PHKB: variants seen among roughly 807,000 people sequenced by gnomAD.
PHKB encodes the protein phosphorylase kinase regulatory subunit beta.
In PHKB, 122 loss-of-function variants were observed where a neutral mutation model predicts 152.1. That is an observed-to-expected ratio of 0.80 (90% CI 0.69 to 0.93). PHKB has a LOEUF of 0.93. Among genes scored for constraint, PHKB ranks in the 40% least tolerant of loss-of-function variants. PHKB has a pLI of 0.00. For synonymous variants in PHKB, 436 were observed against 464.9 expected (o/e 0.94, Z 0.80); for missense variants, 1,304 against 1,328.4 (o/e 0.98, Z 0.29).
Position 47,579,694 on chromosome 16 carries a change from A to G in PHKB, c.711-601A>G, listed in dbSNP as rs575057632. Reference sequence around the variant, plus strand: ...ATAGTATATGGCATTTGAGAGGCCAAAAGAGTAGGACACTAAGGGAAATAG... The same window carrying G: ...ATAGTATATGGCATTTGAGAGGCCAGAAGAGTAGGACACTAAGGGAAATAG... On this transcript the variant is annotated intron_variant, in intron 7 of 30. Coordinates refer to ENST00000323584, the MANE Select transcript of PHKB (RefSeq NM_000293.3). 2.0e-5 allele frequency among the ~76,000 whole-genome samples: 3 copies of G among 152,296 alleles called. No individual in the cohort carries two copies. In the East Asian group the frequency reaches 5.8e-4, roughly 29 times the overall value.
In PHKB at chr16:47,689,192, G is replaced by A. The variant is rs2142102246; in HGVS notation, c.2765+17G>A. The A allele has an allele frequency of 6.2e-7, 1 of 1,609,516 alleles. No individual in the cohort carries two copies. The highest frequency in any genetic ancestry group is 8.5e-7 in the Non-Finnish European group (1 of 1,175,976). On this transcript the variant is annotated intron_variant, in intron 27 of 30. Coordinates refer to ENST00000323584, the MANE Select transcript of PHKB (RefSeq NM_000293.3). ...GAATGGAAGGTAATAAGGGCCCCTT[G>A]TTACCTACATGATACTCTGGATTTA...
intron 1 of PHKB, among the ~76,000 whole-genome samples, chr16:47,493,374 C>G (rs1454556294): frequency 1.3e-5 from 2 of 152,184 alleles, no homozygotes; most frequent in Non-Finnish European, 2.9e-5. Context: ...TTAGAAACTT[C>G]TAAGTATCAT....
At chr16:47,589,386 G>T (rs1422301741) in intron 10 of PHKB, among the ~76,000 whole-genome samples, 1 of 152,148 alleles carries the variant, frequency 6.6e-6, no homozygotes, top group Non-Finnish European at 1.5e-5. Flanking sequence ...TTACCAGTGA[G>T]GTATTTACTG....
intron 25 of PHKB, among the ~76,000 whole-genome samples, chr16:47,668,020 T>C (rs549010531): frequency 6.6e-6 from 1 of 152,200 alleles, no homozygotes; most frequent in Non-Finnish European, 1.5e-5. Flanking sequence ...ACCAGAGGCA[T>C]GGAGTCCATT....
chr16:47,641,452 A>G, intron 15 of PHKB, 147 bp from the exon 16 acceptor site: 1 of 653,864 alleles, frequency 1.5e-6, no homozygotes, highest in Non-Finnish European at 2.8e-6. Flanking sequence ...GGCCTCTGAA[A>G]TCTAGTGCAG....
rs1971822863 is a variant in PHKB, at chr16:47,580,420, A to G, written c.774+62A>G. On this transcript the variant is annotated intron_variant, in intron 8 of 30. Transcript: ENST00000323584. ...AATTGCACATTTAATTAATTTGGCT[A>G]TTCATTAACAAAGTCATTTCCTTAT... is the stretch of plus-strand genomic sequence containing the variant. 2.1e-5 allele frequency: 25 copies of G among 1,186,246 alleles called. No individual in the cohort carries two copies. In the South Asian group the frequency reaches 2.4e-4, roughly 12 times the overall value. The allele number at this position is 1,186,246 out of a possible 1,614,324, so 73.5% of individuals were successfully genotyped here. A position where few individuals can be genotyped will look rare whatever the true frequency, so the allele number is the denominator to read the frequency against.
chr16:47,509,425 G>T (rs1001235531), intron 4 of PHKB, among the ~76,000 whole-genome samples: 1 of 152,086 alleles, frequency 6.6e-6, no homozygotes, highest in African/African-American at 2.4e-5. Flanking sequence ...ATCATAAGGA[G>T]GGCTGTATTT....
At chr16:47,690,190 G>A (rs1056195031) in intron 27 of PHKB, among the ~76,000 whole-genome samples, 1 of 152,170 alleles carries the variant, frequency 6.6e-6, no homozygotes, top group Non-Finnish European at 1.5e-5. Context: ...TTTAAATAGT[G>A]ATGAGACAAC....
chr16:47,647,536 T>C (rs1267719892), intron 16 of PHKB, among the ~76,000 whole-genome samples: 14 of 151,920 alleles, frequency 9.2e-5, no homozygotes. Context: ...CTCGCTCTGT[T>C]GCCCAGGCTG....
chr16:47,493,579 G>C (rs1181855039), intron 1 of PHKB, among the ~76,000 whole-genome samples: 1 of 152,110 alleles, frequency 6.6e-6, no homozygotes, highest in African/African-American at 2.4e-5. Context: ...AATCCAGCTG[G>C]TGTTTCTAAA....
At chr16:47,580,083 C>A (rs1971816770) in intron 7 of PHKB, among the ~76,000 whole-genome samples, 1 of 151,874 alleles carries the variant, frequency 6.6e-6, no homozygotes, top group Non-Finnish European at 1.5e-5. Context: ...CAAGGTGAAC[C>A]TAGAAATATT....
intron 26 of PHKB, among the ~76,000 whole-genome samples, chr16:47,678,984 C>A (rs1239438217): frequency 2.0e-5 from 3 of 152,214 alleles, no homozygotes; most frequent in Admixed American, 6.5e-5. Context: ...CAGCTTTCTA[C>A]ATATGGCTAG....
At chr16:47,665,689 A>G (rs898987756) in intron 25 of PHKB, 4 of 567,398 alleles carry the variant, frequency 7.0e-6, no homozygotes, top group African/African-American at 3.8e-5. Context: ...TTTTATATCA[A>G]TAGTGTCATC....
chr16:47,478,932 T>C lies in PHKB; in HGVS notation c.76+17506T>C, dbSNP rs150226561. ...AATAAACAGACCAAAATAATGAATG[T>C]ATTTTAAAAATATCAGATCCCTGAA... On this transcript the variant is annotated intron_variant, in intron 1 of 30. Coordinates refer to ENST00000323584, the MANE Select transcript of PHKB (RefSeq NM_000293.3). Among the ~76,000 whole-genome samples, 64 of 152,318 alleles carry C rather than the reference T, an allele frequency of 4.2e-4. No individual in the cohort carries two copies. In the East Asian group the frequency reaches 0.01, roughly 25 times the overall value.
chr16:47,524,101 G>A (rs1203663034), intron 6 of PHKB, among the ~76,000 whole-genome samples: 5 of 152,022 alleles, frequency 3.3e-5, no homozygotes, highest in East Asian at 3.8e-4. Context: ...TTTAATGCTC[G>A]GATCGTTGTA....
rs150340216 is a variant in PHKB, at chr16:47,462,726, A to G, written c.76+1300A>G. The G allele has an allele frequency of 5.7e-3, 833 of 146,486 alleles. 7 individuals are homozygous for G. Among genetic ancestry groups the G allele is most frequent in the African/African-American group, 0.02 (794 of 40,150 alleles). The allele number at this position is 146,486 out of a possible 1,614,324, so 9.1% of individuals were successfully genotyped here. ...AAGTTCTTAGTTGTCTGTTGTGCAC[A>G]CTGACTTTTTTTTTTTTTTTTTTGG... On this transcript the variant is annotated intron_variant, in intron 1 of 30. Coordinates refer to ENST00000323584, the MANE Select transcript of PHKB (RefSeq NM_000293.3).
chr16:47,477,624 C>T (rs1198685766), intron 1 of PHKB, among the ~76,000 whole-genome samples: 1 of 152,016 alleles, frequency 6.6e-6, no homozygotes, highest in Admixed American at 6.6e-5. Context: ...AAATACTGAC[C>T]TAGGTTTATA....
intron 6 of PHKB, among the ~76,000 whole-genome samples, chr16:47,524,736 TA>T (rs1223405689): frequency 6.6e-6 from 1 of 152,240 alleles, no homozygotes; most frequent in Non-Finnish European, 1.5e-5. Context: ...ATGATAAGAT[TA>T]GGGGCTAACG....
At chr16:47,461,906 G>A (rs1395528324) in intron 1 of PHKB, among the ~76,000 whole-genome samples, 1 of 152,174 alleles carries the variant, frequency 6.6e-6, no homozygotes, top group East Asian at 1.9e-4. Flanking sequence ...ATTCCCCACA[G>A]GTTCTAAGCA....
Sources: allele counts gnomAD v4.1 joint callset (sites outside exome capture counted in the v4.1 genomes callset), GRCh38; gene constraint gnomAD v4.1.1; transcripts MANE v1.5; gene names NCBI Gene and HGNC (gene_info 2026-07-23, HGNC 2026-07-21).